Variants in DCN observed in about 807,000 individuals in gnomAD.
The protein encoded by DCN is decorin, also known as bone proteoglycan II.
DCN carries 17 observed loss-of-function variants against 36.5 expected under a neutral mutation model. That is an observed-to-expected ratio of 0.47 (90% CI 0.32 to 0.70). The LOEUF (loss-of-function observed/expected upper bound fraction) is 0.70, where lower values mean the gene tolerates loss of function less well. Among genes scored for constraint, DCN ranks in the 30% least tolerant of loss-of-function variants. The pLI is 0.04. For missense variants in DCN, 389 were observed against 430.1 expected, an observed-to-expected ratio of 0.90 and a Z score of 0.84; for synonymous variants, 163 against 161.4, an observed-to-expected ratio of 1.01 and a Z score of -0.07.
chr12:91,145,984 A>G lies in DCN; in HGVS notation c.*74T>C. The G allele has an allele frequency of 7.8e-7, 1 of 1,281,152 alleles. No homozygotes were observed. Among genetic ancestry groups the G allele is most frequent in the South Asian group, 1.2e-5 (1 of 83,864 alleles). 79.4% of individuals were successfully genotyped at this position (1,281,152 alleles called of 1,614,324 possible). A position where few individuals can be genotyped will look rare whatever the true frequency, so the allele number is the denominator to read the frequency against. On this transcript the variant is annotated 3_prime_UTR_variant, in exon 8 of 8. Coordinates refer to ENST00000052754, the MANE Select transcript of DCN (RefSeq NM_001920.5). ...CATTGCAGTTAGGTTTCCAGTATCT[A>G]GCTTTTATTTATTTTTTAGCAATGA...
chr12:91,148,721 C>CAAAAAAAAAAAAAAAAAAAAAAAAAAA (rs5799978), intron 7 of DCN, among the ~76,000 whole-genome samples: 3 of 49,478 alleles, frequency 6.1e-5, no homozygotes, highest in African/African-American at 2.0e-4. Flanking sequence ...CGCTCCGACT[C>CAAAAAAAAAAAAAAAAAAAAAAAAAAA]AAAAAAAAAA....
At chr12:91,171,434 G>A (rs1305063921) in intron 2 of DCN, among the ~76,000 whole-genome samples, 1 of 152,086 alleles carries the variant, frequency 6.6e-6, no homozygotes, top group African/African-American at 2.4e-5. Flanking sequence ...TCTACAATAT[G>A]CATTTATCCC....
At chr12:91,162,535 T>C (rs1204572135) in intron 3 of DCN, among the ~76,000 whole-genome samples, 1 of 152,198 alleles carries the variant, frequency 6.6e-6, no homozygotes, top group Admixed American at 6.5e-5. Flanking sequence ...TCATGACATA[T>C]CTTCCTCAAT....
intron 2 of DCN, among the ~76,000 whole-genome samples, chr12:91,167,617 G>T (rs774544824): frequency 3.9e-5 from 6 of 152,080 alleles, no homozygotes; most frequent in African/African-American, 4.8e-5. Context: ...GTTAGGTTTG[G>T]TATTGACTTT....
Position 91,140,529 on chromosome 12 carries a change from G to A in DCN, c.*5529C>T, listed in dbSNP as rs1423423863. ...ATGTTTATTTATCTTAGAAACCACA[G>A]AACATTGCAAAAGGCCAAATTGGCC... On this transcript the variant is annotated 3_prime_UTR_variant, in exon 8 of 8. Transcript: ENST00000052754. The A allele has an allele frequency of 6.6e-6, 1 of 152,100 alleles. No individual in the cohort carries two copies. Among genetic ancestry groups the A allele is most frequent in the Non-Finnish European group, 1.5e-5 (1 of 68,006 alleles). The allele number at this position is 152,100 out of a possible 1,614,324, so 9.4% of individuals were successfully genotyped here.
At chr12:91,152,250 A>G (rs1881478623) in intron 6 of DCN, among the ~76,000 whole-genome samples, 2 of 152,078 alleles carry the variant, frequency 1.3e-5, no homozygotes, top group South Asian at 4.1e-4. Flanking sequence ...CACTTTTCCC[A>G]TCAAAGAATA....
At position 91,142,611 on chromosome 12, in the gene DCN, GT is replaced by G. The variant is rs1212313132; in HGVS notation, c.*3446del. 3 of 152,158 alleles carry G rather than the reference GT, an allele frequency of 2.0e-5. No homozygotes were observed. Among genetic ancestry groups the G allele is most frequent in the African/African-American group, 7.2e-5 (3 of 41,436 alleles). 9.4% of individuals were successfully genotyped at this position (152,158 alleles called of 1,614,324 possible). A position where few individuals can be genotyped will look rare whatever the true frequency, so the allele number is the denominator to read the frequency against. ...TAGTAACATTTATTGCCAGATCAAA[GT>G]CTTTGAAGAAAAATGCTTTAAAAGA... On this transcript the variant is annotated 3_prime_UTR_variant, in exon 8 of 8. Coordinates refer to ENST00000052754, the MANE Select transcript of DCN (RefSeq NM_001920.5).
chr12:91,161,351 AG>A (rs1882142143), intron 3 of DCN, among the ~76,000 whole-genome samples: 1 of 152,262 alleles, frequency 6.6e-6, no homozygotes, highest in South Asian at 2.1e-4. Context: ...TTAAATGTAC[AG>A]GAAGTTGAGA....
intron 4 of DCN, among the ~76,000 whole-genome samples, chr12:91,157,917 C>A (rs1003673568): frequency 6.6e-6 from 1 of 152,072 alleles, no homozygotes; most frequent in East Asian, 1.9e-4. Context: ...CATGAGCCAC[C>A]GCGCCCAGCC....
At position 91,178,366 on chromosome 12, in the gene DCN, G is replaced by A. The variant is rs1433795573; in HGVS notation, c.187C>T (p.Arg63Ter). 6.2e-6 allele frequency: 10 copies of A among 1,613,734 alleles called. No individual in the cohort carries two copies. Among genetic ancestry groups the A allele is most frequent in the Non-Finnish European group, 8.5e-6 (10 of 1,179,936 alleles). The stretch of plus-strand genomic sequence containing the variant: ...CCCAAATCAGAACACTGGACCACTC[G>A]AAGATGGCATTGACAGCGGAAGGGG... ...VCPFRCQCHLRVVQCSDLGLD... is the reference protein window; with the variant it reads ...VCPFRCQCHL The change falls in exon 2 of 8, where the codon CGA becomes TGA. Residue 63 changes from arginine (R) to a stop codon, truncating the protein, a stop_gained. Coordinates refer to ENST00000052754, the MANE Select transcript of DCN (RefSeq NM_001920.5). LOFTEE classifies it high-confidence loss of function.
intron 2 of DCN, among the ~76,000 whole-genome samples, chr12:91,174,461 A>G (rs901133037): frequency 2.6e-5 from 4 of 152,118 alleles, no homozygotes; most frequent in African/African-American, 9.7e-5. Flanking sequence ...TAATAAGTAT[A>G]TGGCCTATAC....
intron 7 of DCN, chr12:91,151,377 C>T (rs1169859182): frequency 1.3e-5 from 5 of 396,918 alleles, no homozygotes; most frequent in Non-Finnish European, 1.9e-5. Context: ...CACTATGGCA[C>T]CAACATCACC....
chr12:91,164,585 TA>T lies in DCN; in HGVS notation c.324+19del, dbSNP rs575105909. The T allele has an allele frequency of 1.4e-3, 1,899 of 1,323,148 alleles. No individual in the cohort carries two copies. The highest frequency in any genetic ancestry group is 2.5e-3 in the African/African-American group (170 of 68,690). 82.0% of individuals were successfully genotyped at this position (1,323,148 alleles called of 1,614,324 possible). On this transcript the variant is annotated intron_variant, in intron 3 of 7. Transcript: ENST00000052754. ...CCTTGAGTCTTATCTTATTGTGAGT[TA>T]AAAAAAAATAGTTCTTACGTGAAGG...
chr12:91,165,904 T>TA (rs1195471496), intron 2 of DCN, among the ~76,000 whole-genome samples: 2 of 152,150 alleles, frequency 1.3e-5, no homozygotes, highest in Admixed American at 6.5e-5. Flanking sequence ...CGTGACTTCA[T>TA]AAAAATATAA....
At position 91,158,756 on chromosome 12, in the gene DCN, G is replaced by A. The variant is rs111814831; in HGVS notation, c.325-247C>T. 2.0e-5 allele frequency among the ~76,000 whole-genome samples: 3 copies of A among 152,306 alleles called. 1 individual carries two copies. The highest frequency in any genetic ancestry group is 7.2e-5 in the African/African-American group (3 of 41,566). On this transcript the variant is annotated intron_variant, in intron 3 of 7. Transcript: ENST00000052754. ...GTGGGAGGATCACTTGAGGCCAGGA[G>A]TTCGAGACAAGCCTGGCCAGCATGG...
At chr12:91,168,487 C>T (rs1372243919) in intron 2 of DCN, among the ~76,000 whole-genome samples, 1 of 152,150 alleles carries the variant, frequency 6.6e-6, no homozygotes, top group African/African-American at 2.4e-5. Context: ...GTAAGGAGGA[C>T]TAATTACTGT....
intron 7 of DCN, among the ~76,000 whole-genome samples, chr12:91,147,519 G>C (rs1455490864): frequency 2.0e-5 from 3 of 152,122 alleles, no homozygotes; most frequent in African/African-American, 7.2e-5. Flanking sequence ...TGTATCTCCA[G>C]TACTAGAACA....
intron 6 of DCN, among the ~76,000 whole-genome samples, chr12:91,152,790 T>A (rs562641174): frequency 1.3e-5 from 2 of 152,278 alleles, no homozygotes; most frequent in East Asian, 3.9e-4. Flanking sequence ...TGCAAATAAG[T>A]TAGAACATAT....
In DCN at chr12:91,146,149, A is replaced by G; in HGVS notation, c.989T>C (p.Phe330Ser). The change falls in exon 8 of 8, where the codon TTC becomes TCC. Residue 330 changes from phenylalanine to serine, a missense_variant. By Grantham distance (155) the Phe-to-Ser change is radical. Coordinates refer to ENST00000052754, the MANE Select transcript of DCN (RefSeq NM_001920.5). ...CTCCCAGTACTGGACCGGGTTGCTG[A>G]AAAGACTCACACCCGAATAAGAAGC... The part of the protein sequence containing the change: ...KKASYSGVSL[F>S]SNPVQYWEIQ... The G allele has an allele frequency of 1.2e-6, 2 of 1,613,788 alleles. No homozygotes were observed. Among genetic ancestry groups the G allele is most frequent in the Non-Finnish European group, 1.7e-6 (2 of 1,179,812 alleles).
Sources: gnomAD v4.1 joint callset for allele counts (sites outside exome capture counted in the v4.1 genomes callset) on GRCh38, gnomAD v4.1.1 for gene constraint, MANE v1.5 for transcripts, NCBI Gene and HGNC (gene_info 2026-07-23, HGNC 2026-07-21) for gene names.